SMARCA2: variants seen among roughly 807,000 people sequenced by gnomAD.
The protein encoded by SMARCA2 is SWI/SNF related BAF chromatin remodeling complex subunit ATPase 2, also known as SWI/SNF-related matrix-associated actin-dependent regulator of chromatin subfamily A member 2.
SMARCA2 carries 61 observed loss-of-function variants against 199.8 expected under a neutral mutation model. That is an observed-to-expected ratio of 0.31 (90% CI 0.25 to 0.38). SMARCA2 has a LOEUF of 0.38. Ranked by LOEUF, SMARCA2 falls within the 10% of genes least tolerant of loss-of-function variation. The pLI, the probability that SMARCA2 is intolerant of heterozygous loss-of-function variation, is 1.00. For missense variants in SMARCA2, 1,344 were observed against 2,012.2 expected (o/e 0.67, Z 6.35); for synonymous variants, 935 against 732.0 (o/e 1.28, Z -4.48).
intron 28 of SMARCA2, chr9:2,162,872 C>A (rs1825752353): frequency 6.6e-6 from 1 of 152,124 alleles, no homozygotes; most frequent in African/African-American, 2.4e-5. Flanking sequence ...AACATATTGT[C>A]CTCGGATAGA....
chr9:2,189,930 G>GC (rs371427821), intron 32 of SMARCA2, among the ~76,000 whole-genome samples: 45 of 152,292 alleles, frequency 3.0e-4, no homozygotes, highest in African/African-American at 1.1e-3. Context: ...TCCTTCTGGA[G>GC]CTAGGATTCC....
intron 31 of SMARCA2, among the ~76,000 whole-genome samples, chr9:2,182,833 C>T (rs1341580925): frequency 6.6e-6 from 1 of 151,908 alleles, no homozygotes; most frequent in Non-Finnish European, 1.5e-5. Context: ...GAGTCTCGCC[C>T]AGGCTGGAGT....
At chr9:2,046,908 C>A (rs1476858022) in intron 4 of SMARCA2, among the ~76,000 whole-genome samples, 2 of 152,196 alleles carry the variant, frequency 1.3e-5, no homozygotes, top group African/African-American at 4.8e-5. Context: ...TATTAAGTCA[C>A]CGTCATTTTG....
At chr9:2,105,689 G>C (rs1160435450) in intron 23 of SMARCA2, among the ~76,000 whole-genome samples, 2 of 152,048 alleles carry the variant, frequency 1.3e-5, no homozygotes, top group Non-Finnish European at 2.9e-5. Context: ...CTTCTCCTTT[G>C]ACTGGATCCC....
intron 27 of SMARCA2, among the ~76,000 whole-genome samples, chr9:2,125,802 TA>T (rs1332480797): frequency 6.6e-6 from 1 of 152,224 alleles, no homozygotes; most frequent in African/African-American, 2.4e-5. Flanking sequence ...GCGAAATTTT[TA>T]AAGCTAAGCT....
intron 27 of SMARCA2, among the ~76,000 whole-genome samples, chr9:2,125,861 T>G (rs541234373): frequency 6.6e-6 from 1 of 152,240 alleles, no homozygotes; most frequent in Non-Finnish European, 1.5e-5. Context: ...ACCTTGTTTA[T>G]TGGGCAAGAA....
At position 2,161,911 on chromosome 9, in the gene SMARCA2, T is replaced by A. The variant is rs1244095723; in HGVS notation, c.4199+8T>A. 4.4e-6 allele frequency: 7 copies of A among 1,606,976 alleles called. No individual in the cohort carries two copies. The highest frequency in any genetic ancestry group is 2.7e-5 in the African/African-American group (2 of 74,754). On this transcript the variant is annotated splice_region_variant and intron_variant, in intron 28 of 33. Coordinates refer to ENST00000349721, the MANE Select transcript of SMARCA2 (RefSeq NM_003070.5). The surrounding 1 kb of genome is among the most constrained non-coding windows in gnomAD (Gnocchi z 4.7). ...GATAAACTACAAAGATAGGTGAGTG[T>A]TTGGTTCCTTCACCTTGATCATCTC...
At chr9:2,113,119 T>TA (rs761639972) in intron 24 of SMARCA2, among the ~76,000 whole-genome samples, 1 of 152,208 alleles carries the variant, frequency 6.6e-6, no homozygotes, top group Non-Finnish European at 1.5e-5. Flanking sequence ...TTTCTATAAG[T>TA]ATGCATTATC....
intron 9 of SMARCA2, among the ~76,000 whole-genome samples, chr9:2,063,456 C>G (rs1455555607): frequency 6.6e-6 from 1 of 152,180 alleles, no homozygotes; most frequent in Non-Finnish European, 1.5e-5. Flanking sequence ...GCATAAAAAT[C>G]TCTGCTATCC....
chr9:2,125,073 C>A (rs1010580829), intron 27 of SMARCA2, among the ~76,000 whole-genome samples: 2 of 152,056 alleles, frequency 1.3e-5, no homozygotes, highest in Non-Finnish European at 2.9e-5. Flanking sequence ...AGGCAGTGGG[C>A]AGAATTTTGA....
rs879884790 is a variant in SMARCA2, at chr9:2,017,465, C to T, written c.-37+2061C>T. On this transcript the variant is annotated intron_variant, in intron 1 of 33. Coordinates refer to ENST00000349721, the MANE Select transcript of SMARCA2 (RefSeq NM_003070.5). The surrounding 1 kb of genome is among the most constrained non-coding windows in gnomAD (Gnocchi z 8.8). ...CAGCGGCTCGGGCAGCTGCTCCTGC[C>T]CGCACCCTCCCCTGGAGCCCGGGGA... The T allele has an allele frequency of 4.9e-4, 74 of 152,400 alleles. No homozygotes were observed. Among genetic ancestry groups the T allele is most frequent in the Non-Finnish European group, 8.9e-4 (61 of 68,408 alleles). 9.4% of individuals were successfully genotyped at this position (152,400 alleles called of 1,614,324 possible). A position where few individuals can be genotyped will look rare whatever the true frequency, so the allele number is the denominator to read the frequency against.
At chr9:2,116,276 C>T (rs771962338) in intron 25 of SMARCA2, among the ~76,000 whole-genome samples, 2 of 152,168 alleles carry the variant, frequency 1.3e-5, no homozygotes, top group Non-Finnish European at 2.9e-5. Context: ...TGTGGGTGCT[C>T]CCTCCTTTTT....
chr9:2,073,644 G>T lies in SMARCA2; in HGVS notation c.1935+21G>T, dbSNP rs377054235. 5 of 1,567,344 alleles carry T rather than the reference G, an allele frequency of 3.2e-6. No individual in the cohort carries two copies. In the South Asian group the frequency reaches 4.5e-5, roughly 14 times the overall value. On this transcript the variant is annotated intron_variant, in intron 12 of 33. Transcript: ENST00000349721. ...AAGAGGTATGTATGTATCTCTGTTT[G>T]GGGTTTATTGGTTTGAAAGTTATCA...
intron 14 of SMARCA2, among the ~76,000 whole-genome samples, chr9:2,078,931 T>C (rs917973823): frequency 1.3e-5 from 2 of 151,710 alleles, no homozygotes; most frequent in African/African-American, 2.4e-5. Flanking sequence ...GGCAACAGAG[T>C]GAGACTCTAT....
chr9:2,047,270 C>T lies in SMARCA2; in HGVS notation c.832C>T (p.Leu278=). The T allele has an allele frequency of 6.0e-6, 6 of 1,006,184 alleles. No homozygotes were observed. The highest frequency in any genetic ancestry group is 7.1e-6 in the Non-Finnish European group (6 of 844,288). 62.3% of individuals were successfully genotyped at this position (1,006,184 alleles called of 1,614,324 possible). Residue 278 remains leucine (L), a synonymous_variant, in exon 5 of 34, where the codon CTG becomes TTG. Coordinates refer to ENST00000349721, the MANE Select transcript of SMARCA2 (RefSeq NM_003070.5). ...GAGCGGCCCGAGCACCCCGCAGAAG[C>T]TGCCGGTGCCCGCGCCCGGCGGCCG... ...ELSGPSTPQK[L]PVPAPGGRPS...
Position 2,161,329 on chromosome 9 carries a change from G to A in SMARCA2, c.3982-357G>A, listed in dbSNP as rs1420642335. 6.6e-6 allele frequency among the ~76,000 whole-genome samples: 1 copy of A among 151,824 alleles called. No individual in the cohort carries two copies. Among genetic ancestry groups the A allele is most frequent in the Non-Finnish European group, 1.5e-5 (1 of 67,968 alleles). On this transcript the variant is annotated intron_variant, in intron 27 of 33. Transcript: ENST00000349721. This position sits in a 1 kb window ranked among gnomAD's most constrained non-coding sequence, Gnocchi z 4.7. ...TACCTTTTCCTTCCCTTACAGTAAT[G>A]AGAACATTAGGGTCTTGTTCTTAAA...
Position 2,054,631 on chromosome 9 carries a change from C to A in SMARCA2, c.1081C>A (p.Leu361Met). ...QARIAHRIQE[L>M]ENLPGSLPPD... ...CCGCATAGCTCATAGGATACAAGAA[C>A]TGGAAAATCTGCCTGGCTCTTTGCC... The change falls in exon 6 of 34, where the codon CTG becomes ATG. Residue 361 changes from leucine (L) to methionine (M), a missense_variant. This residue lies in a region of SMARCA2 where 155 missense variants were observed against 260.0 expected (regional missense o/e 0.60). Transcript: ENST00000349721. 1 of 1,614,082 alleles carries A rather than the reference C, an allele frequency of 6.2e-7. No homozygotes were observed.
chr9:2,053,573 G>A (rs1407296585), intron 5 of SMARCA2, among the ~76,000 whole-genome samples: 1 of 152,172 alleles, frequency 6.6e-6, no homozygotes, highest in Non-Finnish European at 1.5e-5. Flanking sequence ...GTGTGTAAGA[G>A]AGAGACAATT....
rs1432375614 is a variant in SMARCA2, at chr9:2,110,547, ATTC to A, written c.3456+135_3456+137del. The A allele has an allele frequency of 4.6e-6, 3 of 657,488 alleles. No individual in the cohort carries two copies. In the African/African-American group the frequency reaches 5.5e-5, roughly 12 times the overall value. 40.7% of individuals were successfully genotyped at this position (657,488 alleles called of 1,614,324 possible). Reference sequence around the variant, plus strand: ...GTGGGCTGTTGCTTTCTTGGAGCCAATTCTTCTGGCTGTTTTCTTATCTCCCTT... The same window carrying A: ...GTGGGCTGTTGCTTTCTTGGAGCCAATTCTGGCTGTTTTCTTATCTCCCTT... On this transcript the variant is annotated intron_variant, in intron 24 of 33. Coordinates refer to ENST00000349721, the MANE Select transcript of SMARCA2 (RefSeq NM_003070.5). The surrounding 1 kb of genome is among the most constrained non-coding windows in gnomAD (Gnocchi z 4.8).
Sources: gnomAD v4.1 joint callset for allele counts (sites outside exome capture counted in the v4.1 genomes callset) on GRCh38, gnomAD v4.1.1 for gene constraint, gnomAD v4.1.1 regional missense constraint, Gnocchi (gnomAD v3.1) non-coding constraint, MANE v1.5 for transcripts, NCBI Gene and HGNC (gene_info 2026-07-23, HGNC 2026-07-21) for gene names.